The following C1S variants were observed in gnomAD, a reference collection of about 807,000 sequenced individuals.
C1S encodes complement C1s.
In C1S, 31 loss-of-function variants were observed where a neutral mutation model predicts 54.0. The observed-to-expected ratio is 0.57, with a 90% CI of 0.43 to 0.78. C1S has a LOEUF of 0.78. Among genes scored for constraint, C1S ranks in the 30% least tolerant of loss-of-function variants. C1S has a pLI of 0.00. For synonymous variants in C1S, 292 were observed against 303.6 expected (o/e 0.96, Z 0.40); for missense variants, 727 against 851.8 (o/e 0.85, Z 1.82).
chr12:7,065,326 C>T (rs782377195), intron 6 of C1S, 27 bp downstream of exon 6: 1 of 1,548,536 alleles, frequency 6.5e-7, no homozygotes. Context: ...TAATACCCCA[C>T]CCTTAACTTA....
chr12:7,062,323 G>A (rs1472104744), intron 2 of C1S, 152 bp from the exon 3 acceptor site: 1 of 695,188 alleles, frequency 1.4e-6, no homozygotes, highest in Non-Finnish European at 2.6e-6. Context: ...GGTTTGACCT[G>A]GGCCTTTTCT....
chr12:7,069,729 G>A (rs1312935782), intron 11 of C1S, 126 bp from the exon 12 acceptor site: 1 of 863,678 alleles, frequency 1.2e-6, no homozygotes, highest in East Asian at 2.4e-5. Context: ...TGACCAAATA[G>A]GGTTGACTAT....
Position 7,070,809 on chromosome 12 carries a change from T to C in C1S, c.*158T>C. On this transcript the variant is annotated 3_prime_UTR_variant, in exon 12 of 12. Coordinates refer to ENST00000360817, the MANE Select transcript of C1S (RefSeq NM_001734.5). The surrounding 1 kb of genome is among the most constrained non-coding windows in gnomAD (Gnocchi z 4.9). Reference sequence around the variant, plus strand: ...GAGACGCCTTGCTAGAGGTAGAGTTTGATCATAGAATTGTGCTGGTCATAC... The same window carrying C: ...GAGACGCCTTGCTAGAGGTAGAGTTCGATCATAGAATTGTGCTGGTCATAC... 1 of 710,798 alleles carries C rather than the reference T, an allele frequency of 1.4e-6. No homozygotes were observed. Among genetic ancestry groups the C allele is most frequent in the South Asian group, 1.6e-5 (1 of 61,114 alleles). The allele number at this position is 710,798 out of a possible 1,614,324, so 44.0% of individuals were successfully genotyped here.
At chr12:7,068,815 G>A in intron 11 of C1S, 1 of 461,990 alleles carries the variant, frequency 2.2e-6, no homozygotes, top group Non-Finnish European at 4.0e-6. Context: ...TAAAAACAGG[G>A]CCTGAAAGCT....
At chr12:7,065,605 A>G in intron 6 of C1S, 1 of 624,850 alleles carries the variant, frequency 1.6e-6, no homozygotes, top group Non-Finnish European at 2.8e-6. Flanking sequence ...CCTAGCCTCA[A>G]GCAATGCTCC....
In C1S at chr12:7,067,441, C is replaced by A; in HGVS notation, c.1067-202C>A. Reference sequence around the variant, plus strand: ...TTCACTACGGCTTTCATGGGGCCATCTGAATTGGCATCTCAGCGGGTGAGA... The same window carrying A: ...TTCACTACGGCTTTCATGGGGCCATATGAATTGGCATCTCAGCGGGTGAGA... On this transcript the variant is annotated intron_variant, in intron 9 of 11. Transcript: ENST00000360817. 4.1e-6 allele frequency: 3 copies of A among 728,384 alleles called. No individual in the cohort carries two copies. The Admixed American group carries it at 5.5e-5, about 13-fold the overall frequency. 45.1% of individuals were successfully genotyped at this position (728,384 alleles called of 1,614,324 possible).
intron 4 of C1S, chr12:7,064,027 A>G (rs1380942164): frequency 6.4e-6 from 3 of 468,808 alleles, no homozygotes; most frequent in East Asian, 4.8e-5. Context: ...GAGTGAGGCT[A>G]TGTCACTTAC....
intron 9 of C1S, 99 bp downstream of exon 9, chr12:7,067,216 G>T (rs1374050801): frequency 3.3e-6 from 3 of 900,956 alleles, no homozygotes; most frequent in Non-Finnish European, 5.5e-6. Flanking sequence ...TCTTAGGCAT[G>T]TGAGGGAGTG....
chr12:7,067,021 A>G lies in C1S; in HGVS notation c.988-18A>G, dbSNP rs1555162362. 1.3e-6 allele frequency: 2 copies of G among 1,576,566 alleles called. No individual in the cohort carries two copies. The highest frequency in any genetic ancestry group is 1.7e-5 in the Admixed American group (1 of 59,980). Reference sequence around the variant, plus strand: ...TATCTCTCTTCAGAAATAAGTGGTGATGTTTATTATTCTCCAGGGACGTGT... The same window carrying G: ...TATCTCTCTTCAGAAATAAGTGGTGGTGTTTATTATTCTCCAGGGACGTGT... On this transcript the variant is annotated intron_variant, in intron 8 of 11. Transcript: ENST00000360817.
rs782568523 is a variant in C1S at position 7,068,606 on chromosome 12, C to T, written c.1270+76C>T. On this transcript the variant is annotated intron_variant, in intron 11 of 11. Transcript: ENST00000360817. ...GTCACCTTCTGAAAGCAACTGTAATCCTCTTGGGAAAGGACTGAACAGTGA... is the reference window on the plus strand; with the variant it reads ...GTCACCTTCTGAAAGCAACTGTAATTCTCTTGGGAAAGGACTGAACAGTGA... 3.2e-5 allele frequency: 32 copies of T among 1,013,116 alleles called. No homozygotes were observed. The Admixed American group carries it at 5.3e-4, about 17-fold the overall frequency. The allele number at this position is 1,013,116 out of a possible 1,614,324, so 62.8% of individuals were successfully genotyped here. A position where few individuals can be genotyped will look rare whatever the true frequency, so the allele number is the denominator to read the frequency against.
In C1S at chr12:7,070,018, G is replaced by A. The variant is rs782056011; in HGVS notation, c.1434G>A (p.Glu478=). 2.0e-5 allele frequency: 32 copies of A among 1,614,068 alleles called. No homozygotes were observed. Among genetic ancestry groups the A allele is most frequent in the Non-Finnish European group, 2.6e-5 (31 of 1,180,042 alleles). Residue 478 remains glutamate (E), a synonymous_variant, in exon 12 of 12, where the codon GAG becomes GAA. Transcript: ENST00000360817. This position sits in a 1 kb window ranked among gnomAD's most constrained non-coding sequence, Gnocchi z 4.9. Reference sequence around the variant, plus strand: ...TGCTGACGGCTGCTCATGTTGTGGAGGGAAACAGGGAGCCAACAATGTATG... The same window carrying A: ...TGCTGACGGCTGCTCATGTTGTGGAAGGAAACAGGGAGCCAACAATGTATG... ...YWVLTAAHVV[E]GNREPTMYVG...
In C1S at chr12:7,066,136, G is replaced by A; in HGVS notation, c.871+166G>A. ...TTGAGCCCAGGAAGTAGGAGTTTGA[G>A]TCCACTCTGGGCAACAGAGCAAAAC... On this transcript the variant is annotated intron_variant, in intron 7 of 11. Coordinates refer to ENST00000360817, the MANE Select transcript of C1S (RefSeq NM_001734.5). 8 of 704,362 alleles carry A rather than the reference G, an allele frequency of 1.1e-5. No homozygotes were observed. In the South Asian group the frequency reaches 1.2e-4, roughly 11 times the overall value. 43.6% of individuals were successfully genotyped at this position (704,362 alleles called of 1,614,324 possible).
chr12:7,066,926 C>T (rs1324927302), intron 8 of C1S, 113 bp from the exon 9 acceptor site: 17 of 812,754 alleles, frequency 2.1e-5, no homozygotes, highest in Middle Eastern at 4.4e-4. Context: ...TGTTCCCAAG[C>T]TTCTTGTGGT....
chr12:7,070,306 G>A lies in C1S; in HGVS notation c.1722G>A (p.Glu574=). 6.2e-7 allele frequency: 1 copy of A among 1,614,258 alleles called. No homozygotes were observed. Among genetic ancestry groups the A allele is most frequent in the Non-Finnish European group, 8.5e-7 (1 of 1,180,050 alleles). The change falls in exon 12 of 12, where the codon GAG becomes GAA. Residue 574 remains glutamate (E), a synonymous_variant. Coordinates refer to ENST00000360817, the MANE Select transcript of C1S (RefSeq NM_001734.5). The surrounding 1 kb of genome is among the most constrained non-coding windows in gnomAD (Gnocchi z 4.9). ...TGATCTCAGGCTGGGGCCGAACAGA[G>A]AAGAGAGATCGTGCTGTTCGCCTCA... ...LGLISGWGRT[E]KRDRAVRLKA...
At chr12:7,066,201 T>G in intron 7 of C1S, 1 of 610,300 alleles carries the variant, frequency 1.6e-6, no homozygotes, top group South Asian at 2.0e-5. Flanking sequence ...CAACAATAAT[T>G]TAAAAAACAG....
At position 7,065,079 on chromosome 12, in the gene C1S, CTTTCTCTT is replaced by C. The variant is rs773205021; in HGVS notation, c.518-13_518-6del. The stretch of plus-strand genomic sequence containing the variant: ...TGCTTGACCCTGTATTTGATTCTCC[CTTTCTCTT>C]TTTCTCTGTTAGTTAATTGCAGTGG... On this transcript the variant is annotated splice_polypyrimidine_tract_variant and intron_variant, in intron 5 of 11. Transcript: ENST00000360817. The C allele has an allele frequency of 5.4e-3, 8,540 of 1,594,804 alleles. 24 individuals are homozygous for C. The highest frequency in any genetic ancestry group is 6.7e-3 in the Non-Finnish European group (7,787 of 1,162,562).
At chr12:7,066,069 T>G in intron 7 of C1S, 99 bp downstream of exon 7, 1 of 1,108,254 alleles carries the variant, frequency 9.0e-7, no homozygotes. Flanking sequence ...TGGAAGCACC[T>G]GTGATCTCAG....
chr12:7,068,452 CCAGGGGAGTATCA>C lies in C1S; in HGVS notation c.1196-2_1206del. On this transcript the variant is annotated splice_acceptor_variant and splice_polypyrimidine_tract_variant and coding_sequence_variant and intron_variant, in exon 11 of 12. Transcript: ENST00000360817. LOFTEE classifies it high-confidence loss of function. ...TGTGGCCTGTGTTCTCTGTGCTATT[CCAGGGGAGTATCA>C]CTGTGCTGGTAACGGGAGCTGGGTG... The C allele has an allele frequency of 1.2e-6, 2 of 1,609,876 alleles. No homozygotes were observed. Among genetic ancestry groups the C allele is most frequent in the South Asian group, 2.2e-5 (2 of 90,996 alleles).
At chr12:7,069,557 G>T (rs141052269) in intron 11 of C1S, among the ~76,000 whole-genome samples, 1 of 152,196 alleles carries the variant, frequency 6.6e-6, no homozygotes, top group Non-Finnish European at 1.5e-5. Context: ...GCCTCCAGGG[G>T]GGCTGTGGGT....
Sources: gnomAD v4.1 joint callset for allele counts (sites outside exome capture counted in the v4.1 genomes callset) on GRCh38, gnomAD v4.1.1 for gene constraint, Gnocchi (gnomAD v3.1) non-coding constraint, MANE v1.5 for transcripts, NCBI Gene and HGNC (gene_info 2026-07-23, HGNC 2026-07-21) for gene names.